The following U2AF2 variants were observed in gnomAD, a reference collection of about 807,000 sequenced individuals.
U2AF2 encodes U2 small nuclear RNA auxiliary factor 2, also known as splicing factor U2AF 65 kDa subunit.
U2AF2 carries 6 observed loss-of-function variants against 52.6 expected under a neutral mutation model. The observed-to-expected ratio is 0.11, with a 90% CI of 0.06 to 0.23. The LOEUF is 0.23. Among genes scored for constraint, U2AF2 ranks in the 10% least tolerant of loss-of-function variants. The probability of loss-of-function intolerance (pLI) is 1.00; values close to 1 mark genes in which losing one functional copy is unlikely to be tolerated. For synonymous variants in U2AF2, 284 were observed against 258.2 expected (o/e 1.10, Z -0.96); for missense variants, 222 against 677.1 (o/e 0.33, Z 7.46).
intron 6 of U2AF2, 36 bp from the exon 7 acceptor site, chr19:55,663,570 C>A (rs764798128): frequency 6.2e-7 from 1 of 1,606,632 alleles, no homozygotes; most frequent in South Asian, 1.1e-5. Context: ...TAGTCCCTGA[C>A]CCCCATCCCT....
At chr19:55,663,892 G>C (rs924398158) in intron 7 of U2AF2, 148 bp downstream of exon 7, 2 of 1,184,620 alleles carry the variant, frequency 1.7e-6, no homozygotes, top group African/African-American at 3.1e-5. Flanking sequence ...CTAAGTCTCT[G>C]TGAGTGGGGT....
intron 11 of U2AF2, among the ~76,000 whole-genome samples, chr19:55,672,230 TAC>T (rs1171934504): frequency 1.3e-5 from 2 of 152,202 alleles, no homozygotes; most frequent in Non-Finnish European, 2.9e-5. Flanking sequence ...ATGATAGTGA[TAC>T]GTTTTTATCA....
intron 7 of U2AF2, among the ~76,000 whole-genome samples, chr19:55,665,748 A>G (rs536455932): frequency 1.3e-5 from 2 of 152,282 alleles, no homozygotes; most frequent in South Asian, 2.1e-4. Flanking sequence ...TCCCAGGTTC[A>G]AGCGATTCTC....
intron 5 of U2AF2, chr19:55,661,446 A>C: frequency 7.9e-5 from 33 of 419,484 alleles, no homozygotes; most frequent in East Asian, 2.1e-4. Flanking sequence ...CACACACATA[A>C]TGTACCCACG....
Position 55,660,544 on chromosome 19 carries a change from A to AAGG in U2AF2, c.260_262dup (p.Lys87_Val88insGlu). The AAGG allele has an allele frequency of 1.3e-6, 2 of 1,575,378 alleles. No homozygotes were observed. Among genetic ancestry groups the AAGG allele is most frequent in the Non-Finnish European group, 1.7e-6 (2 of 1,157,950 alleles). On this transcript the variant is annotated inframe_insertion, in exon 4 of 12. Transcript: ENST00000308924. ...TTCCCCCCGCCACGAGAAGAAGAAG[A>AAGG]AGGTCCGTAAATACTGGGACGTGCC...
chr19:55,655,187 G>C (rs750567199), intron 1 of U2AF2, 34 bp downstream of exon 1: 1 of 1,591,196 alleles, frequency 6.3e-7, no homozygotes, highest in South Asian at 1.1e-5. Flanking sequence ...CGGAGGTGTG[G>C]GCGGCTCCTC....
At chr19:55,660,939 G>T (rs187065512) in intron 4 of U2AF2, 99 bp from the exon 5 acceptor site, 3 of 1,486,374 alleles carry the variant, frequency 2.0e-6, no homozygotes, top group Non-Finnish European at 2.7e-6. Context: ...GAGCCTGTAG[G>T]AGCTTTCTGC....
chr19:55,662,545 G>C lies in U2AF2; in HGVS notation c.530G>C (p.Gly177Ala), dbSNP rs1171027106. The change falls in exon 6 of 12, where the codon GGG becomes GCG. Residue 177 changes from glycine to alanine, a missense_variant. Physicochemically the swap from Gly to Ala is moderately conservative, Grantham distance 60. Around this residue, in one of 4 missense-constraint regions of U2AF2, gnomAD observed 35 missense variants for 149.3 expected, o/e 0.23. Transcript: ENST00000308924. ...DFFNAQMRLG[G>A]LTQAPGNPVL... ...TTCAACGCCCAGATGCGCCTGGGGG[G>C]GCTGACCCAGGCCCCTGGCAACCCA... is the stretch of plus-strand genomic sequence containing the variant. 1 of 1,612,686 alleles carries C rather than the reference G, an allele frequency of 6.2e-7. No homozygotes were observed. Among genetic ancestry groups the C allele is most frequent in the Non-Finnish European group, 8.5e-7 (1 of 1,179,468 alleles).
intron 11 of U2AF2, among the ~76,000 whole-genome samples, chr19:55,673,122 T>C (rs968353564): frequency 1.3e-5 from 2 of 152,044 alleles, no homozygotes; most frequent in African/African-American, 4.8e-5. Context: ...TTTCGCTATG[T>C]TGGCCATGCT....
At chr19:55,673,641 G>A (rs1042839869) in intron 11 of U2AF2, among the ~76,000 whole-genome samples, 11 of 152,190 alleles carry the variant, frequency 7.2e-5, no homozygotes, top group Non-Finnish European at 1.3e-4. Context: ...CCTCCCCCGC[G>A]GTGAGCTCGT....
In U2AF2 at chr19:55,674,341, C is replaced by G; in HGVS notation, c.*273C>G. 1 of 433,828 alleles carries G rather than the reference C, an allele frequency of 2.3e-6. No individual in the cohort carries two copies. Among genetic ancestry groups the G allele is most frequent in the Non-Finnish European group, 4.2e-6 (1 of 238,192 alleles). The allele number at this position is 433,828 out of a possible 1,614,324, so 26.9% of individuals were successfully genotyped here. A position where few individuals can be genotyped will look rare whatever the true frequency, so the allele number is the denominator to read the frequency against. On this transcript the variant is annotated 3_prime_UTR_variant, in exon 12 of 12. Coordinates refer to ENST00000308924, the MANE Select transcript of U2AF2 (RefSeq NM_007279.3). ...CAGAGGGAAGGGGTTGGGATGGGGA[C>G]AGGGTGCACAGCAGGGCGGGGTAGG...
Position 55,668,594 on chromosome 19 carries a change from C to G in U2AF2, c.822+8C>G. 6.2e-7 allele frequency: 1 copy of G among 1,604,954 alleles called. No homozygotes were observed. The highest frequency in any genetic ancestry group is 8.5e-7 in the Non-Finnish European group (1 of 1,174,590). ...TACCTGAACGATGACCAGGTAACTT[C>G]CCTGCCTCCCTCCAGACCCGTCCCC... is the stretch of plus-strand genomic sequence containing the variant. On this transcript the variant is annotated splice_region_variant and intron_variant, in intron 8 of 11. Coordinates refer to ENST00000308924, the MANE Select transcript of U2AF2 (RefSeq NM_007279.3). The surrounding 1 kb of genome is among the most constrained non-coding windows in gnomAD (Gnocchi z 5.5).
chr19:55,655,628 G>A (rs1444160194), intron 1 of U2AF2, among the ~76,000 whole-genome samples: 1 of 152,214 alleles, frequency 6.6e-6, no homozygotes, highest in Admixed American at 6.5e-5. Flanking sequence ...CTTGGTGGGG[G>A]GGCCCCTTTC....
chr19:55,660,387 C>T, intron 3 of U2AF2, 129 bp from the exon 4 acceptor site: 9 of 1,097,122 alleles, frequency 8.2e-6, no homozygotes, highest in Non-Finnish European at 1.2e-5. Flanking sequence ...AGACCCTCTC[C>T]TTCCCTGGAG....
intron 7 of U2AF2, among the ~76,000 whole-genome samples, chr19:55,664,437 T>G (rs1185298780): frequency 6.6e-6 from 1 of 152,150 alleles, no homozygotes; most frequent in Non-Finnish European, 1.5e-5. Context: ...CAAAACCAGG[T>G]GATGGGCCCT....
chr19:55,655,265 C>T (rs965229382), intron 1 of U2AF2, 112 bp downstream of exon 1: 2 of 1,219,388 alleles, frequency 1.6e-6, no homozygotes, highest in African/African-American at 3.2e-5. Context: ...CGCGGCGCCC[C>T]CCAACCCTGG....
intron 2 of U2AF2, 49 bp downstream of exon 2, chr19:55,659,394 G>C (rs939590135): frequency 1.4e-6 from 2 of 1,434,100 alleles, no homozygotes; most frequent in Admixed American, 2.7e-5. Context: ...TCGGGGGGTC[G>C]GTGTTGGCCG....
chr19:55,662,938 C>T (rs895283663), intron 6 of U2AF2, among the ~76,000 whole-genome samples: 4 of 152,118 alleles, frequency 2.6e-5, no homozygotes, highest in African/African-American at 9.7e-5. Flanking sequence ...CTCCTGCCTG[C>T]TTGGCTAGAG....
intron 1 of U2AF2, among the ~76,000 whole-genome samples, chr19:55,656,480 T>G (rs1983803644): frequency 6.6e-6 from 1 of 151,618 alleles, no homozygotes; most frequent in Non-Finnish European, 1.5e-5. Context: ...GTAACTGCTT[T>G]TAATACGTTT....
Sources: allele counts gnomAD v4.1 joint callset (sites outside exome capture counted in the v4.1 genomes callset), GRCh38; gene constraint gnomAD v4.1.1; regional missense constraint gnomAD v4.1.1; non-coding constraint Gnocchi (gnomAD v3.1); transcripts MANE v1.5; gene names NCBI Gene and HGNC (gene_info 2026-07-23, HGNC 2026-07-21).